Variants in TCEA1 observed in about 807,000 individuals in gnomAD.
The protein encoded by TCEA1 is transcription elongation factor A1.
In TCEA1, 21 loss-of-function variants were observed where a neutral mutation model predicts 43.8. That is an observed-to-expected ratio of 0.48 (90% CI 0.34 to 0.69). The LOEUF (loss-of-function observed/expected upper bound fraction) is 0.69. TCEA1 is among the 30% of genes least tolerant of loss of function. TCEA1 has a pLI of 0.01. For synonymous variants in TCEA1, 104 were observed against 117.5 expected, an observed-to-expected ratio of 0.88 and a Z score of 0.75; for missense variants, 250 against 365.1, an observed-to-expected ratio of 0.68 and a Z score of 2.57.
chr8:54,005,881 G>A (rs887140706), intron 2 of TCEA1, among the ~76,000 whole-genome samples: 2 of 152,132 alleles, frequency 1.3e-5, no homozygotes, highest in Non-Finnish European at 2.9e-5. Flanking sequence ...AGCCCTGCGT[G>A]CCACACCACC....
chr8:54,007,711 T>C (rs372168592), intron 2 of TCEA1, among the ~76,000 whole-genome samples: 1 of 152,198 alleles, frequency 6.6e-6, no homozygotes, highest in African/African-American at 2.4e-5. Flanking sequence ...TTCTCAATCA[T>C]GTTCACACAC....
chr8:54,000,278 T>A (rs963239296), intron 2 of TCEA1, among the ~76,000 whole-genome samples: 2 of 152,216 alleles, frequency 1.3e-5, no homozygotes, highest in Non-Finnish European at 2.9e-5. Context: ...TAAAATTCAC[T>A]ACTGTAATAA....
intron 2 of TCEA1, among the ~76,000 whole-genome samples, chr8:54,003,544 A>G (rs778349693): frequency 1.1e-4 from 16 of 152,204 alleles, no homozygotes; most frequent in Non-Finnish European, 1.6e-4. Context: ...AAATTCCTAC[A>G]TTTTTCATCA....
At chr8:53,972,118 C>A in intron 8 of TCEA1, 1 of 281,012 alleles carries the variant, frequency 3.6e-6, no homozygotes, top group South Asian at 3.9e-5. Flanking sequence ...CCAGTGGTTC[C>A]ATCCATAACG....
chr8:53,994,713 T>C (rs1003306207), intron 3 of TCEA1, among the ~76,000 whole-genome samples: 1 of 151,070 alleles, frequency 6.6e-6, no homozygotes, highest in Non-Finnish European at 1.5e-5. Flanking sequence ...CTAAAAAAAA[T>C]ACAAAAAATT....
At chr8:53,989,113 TAGAC>T (rs1803788263) in intron 4 of TCEA1, among the ~76,000 whole-genome samples, 1 of 151,724 alleles carries the variant, frequency 6.6e-6, no homozygotes, top group Admixed American at 6.6e-5. Flanking sequence ...TTGTTCCACT[TAGAC>T]AGTGAGTTCC....
intron 3 of TCEA1, among the ~76,000 whole-genome samples, chr8:53,996,903 C>CTTTTTTTTTTTTT (rs754537318): frequency 0.02 from 2,326 of 116,434 alleles, 366 homozygotes; most frequent in African/African-American, 0.078. Context: ...AGAAGGTTGT[C>CTTTTTTTTTTTTT]TTTTTTTTTT....
intron 7 of TCEA1, among the ~76,000 whole-genome samples, chr8:53,981,706 TAACAAC>T: frequency 6.6e-6 from 1 of 152,022 alleles, no homozygotes; most frequent in East Asian, 1.9e-4. Flanking sequence ...TCATGCCTGC[TAACAAC>T]AACATTGATT....
chr8:53,991,191 G>C (rs775261806), intron 4 of TCEA1, among the ~76,000 whole-genome samples: 3 of 150,638 alleles, frequency 2.0e-5, no homozygotes, highest in Non-Finnish European at 4.4e-5. Context: ...TCAGGAGTTC[G>C]AGACCAGCCT....
chr8:53,987,477 C>T (rs1443333737), intron 5 of TCEA1, among the ~76,000 whole-genome samples: 1 of 151,620 alleles, frequency 6.6e-6, no homozygotes, highest in African/African-American at 2.4e-5. Flanking sequence ...ATAAACTAGG[C>T]AGAAAAAATA....
At chr8:53,983,401 G>A (rs1344167256) in intron 7 of TCEA1, among the ~76,000 whole-genome samples, 1 of 152,190 alleles carries the variant, frequency 6.6e-6, no homozygotes, top group Admixed American at 6.5e-5. Flanking sequence ...CGTTGAAATT[G>A]TAGATACAAT....
In TCEA1 at chr8:53,970,463, C is replaced by G. The variant is rs1313130606; in HGVS notation, c.826G>C (p.Val276Leu). ...CKKKNCTYTQ[V>L]QTRSADEPMT... Reference sequence around the variant, plus strand: ...GGTTCATCAGCACTACGGGTTTGTACCTGCAGCAAAATTAAATTAAATGTA... The same window carrying G: ...GGTTCATCAGCACTACGGGTTTGTAGCTGCAGCAAAATTAAATTAAATGTA... The change falls in exon 9 of 10, where the codon GTA becomes CTA. Residue 276 changes from valine to leucine, a missense_variant and splice_region_variant. Around this residue, in one of 4 missense-constraint regions of TCEA1, gnomAD observed 46 missense variants for 109.8 expected, o/e 0.42. Transcript: ENST00000521604. 1 of 1,598,682 alleles carries G rather than the reference C, an allele frequency of 6.3e-7. No individual in the cohort carries two copies. Among genetic ancestry groups the G allele is most frequent in the South Asian group, 1.1e-5 (1 of 88,536 alleles).
rs563331533 is a variant in TCEA1, at chr8:54,020,233, G to C, written c.63+1830C>G. Among the ~76,000 whole-genome samples the C allele has an allele frequency of 1.8e-3, 276 of 152,262 alleles. 3 individuals carry two copies. Among genetic ancestry groups the C allele is most frequent in the African/African-American group, 6.3e-3 (260 of 41,538 alleles). ...TTCCCTGGGAGCTTCTACTGTGCAA[G>C]TCTGGGGATCTCCAGACCAGAGAAA... On this transcript the variant is annotated intron_variant, in intron 1 of 9. Coordinates refer to ENST00000521604, the MANE Select transcript of TCEA1 (RefSeq NM_006756.4).
At chr8:54,021,996 G>T in intron 1 of TCEA1, 67 bp downstream of exon 1, 1 of 1,404,202 alleles carries the variant, frequency 7.1e-7, no homozygotes, top group South Asian at 1.5e-5. Flanking sequence ...AGGAGGGAGG[G>T]GGCGGCCCCC....
At chr8:53,973,372 GAAA>G in intron 8 of TCEA1, 1 of 510,540 alleles carries the variant, frequency 2.0e-6, no homozygotes, top group Non-Finnish European at 3.7e-6. Flanking sequence ...AAAGAAGAAA[GAAA>G]AAAAGACAAA....
In TCEA1 at chr8:54,014,760, A is replaced by T. The variant is rs143936317; in HGVS notation, c.64-4268T>A. Among the ~76,000 whole-genome samples the T allele has an allele frequency of 5.1e-4, 78 of 152,368 alleles. 1 individual carries two copies. The highest frequency in any genetic ancestry group is 1.9e-3 in the African/African-American group (78 of 41,584). On this transcript the variant is annotated intron_variant, in intron 1 of 9. Transcript: ENST00000521604. ...AAAAAGGAGGGAGTAATAGGGATTTATAGTTAAGAATATGGTGTACATATA... is the reference window on the plus strand; with the variant it reads ...AAAAAGGAGGGAGTAATAGGGATTTTTAGTTAAGAATATGGTGTACATATA...
chr8:53,974,731 T>C (rs1268066345), intron 8 of TCEA1, among the ~76,000 whole-genome samples: 2 of 152,094 alleles, frequency 1.3e-5, no homozygotes, highest in South Asian at 2.1e-4. Context: ...GGTTTCACCA[T>C]GTTGGCCAGG....
At chr8:54,021,990 G>A (rs1805053533) in intron 1 of TCEA1, 73 bp downstream of exon 1, 5 of 1,347,504 alleles carry the variant, frequency 3.7e-6, no homozygotes, top group South Asian at 3.2e-5. Context: ...GGGAGAAGGA[G>A]GGAGGGGGCG....
At chr8:54,000,449 T>C (rs577345392) in intron 2 of TCEA1, among the ~76,000 whole-genome samples, 11 of 152,324 alleles carry the variant, frequency 7.2e-5, no homozygotes, top group African/African-American at 2.2e-4. Flanking sequence ...GATTACTTCA[T>C]AGAGCACCAG....
Sources: allele counts gnomAD v4.1 joint callset (sites outside exome capture counted in the v4.1 genomes callset), GRCh38; gene constraint gnomAD v4.1.1; regional missense constraint gnomAD v4.1.1; transcripts MANE v1.5; gene names NCBI Gene and HGNC (gene_info 2026-07-23, HGNC 2026-07-21).